ACYP2: variants seen among roughly 807,000 people sequenced by gnomAD.
ACYP2 encodes acylphosphatase 2.
In ACYP2, 12 loss-of-function variants were observed where a neutral mutation model predicts 11.2. The observed-to-expected ratio is 1.08, with a 90% CI of 0.69 to 1.74. ACYP2 has a LOEUF of 1.74. Among genes scored for constraint, ACYP2 ranks in the 40% most tolerant of loss-of-function variants. The pLI, the probability that ACYP2 is intolerant of heterozygous loss-of-function variation, is 0.00. For missense variants in ACYP2, 134 were observed against 101.9 expected (o/e 1.31, Z -1.35); for synonymous variants, 43 against 32.2 (o/e 1.33, Z -1.13).
At chr2:54,192,293 T>C (rs1047312410) in intron 6 of ACYP2, among the ~76,000 whole-genome samples, 1 of 152,196 alleles carries the variant, frequency 6.6e-6, no homozygotes, top group Admixed American at 6.5e-5. Flanking sequence ...AATTAAATGC[T>C]CTAGATAGTA....
intron 2 of ACYP2, among the ~76,000 whole-genome samples, chr2:53,985,360 C>T (rs1314226962): frequency 6.6e-6 from 1 of 152,110 alleles, no homozygotes; most frequent in African/African-American, 2.4e-5. Flanking sequence ...AGCCGCTGCA[C>T]CTGGCCAGGA....
intron 6 of ACYP2, among the ~76,000 whole-genome samples, chr2:54,198,295 G>T (rs572733070): frequency 6.6e-6 from 1 of 152,240 alleles, no homozygotes; most frequent in Non-Finnish European, 1.5e-5. Flanking sequence ...GATTACACGT[G>T]TGTGTGCCAC....
chr2:54,027,544 C>A (rs973399124), intron 2 of ACYP2, among the ~76,000 whole-genome samples: 1 of 152,142 alleles, frequency 6.6e-6, no homozygotes, highest in African/African-American at 2.4e-5. Context: ...TTTCTGAAAG[C>A]TCTCATGTCA....
intron 6 of ACYP2, among the ~76,000 whole-genome samples, chr2:54,208,438 G>T (rs1355940783): frequency 6.6e-6 from 1 of 152,034 alleles, no homozygotes; most frequent in Non-Finnish European, 1.5e-5. Context: ...GTGGGAGCCG[G>T]GGGTGCAGGG....
intron 2 of ACYP2, among the ~76,000 whole-genome samples, chr2:53,981,945 T>C (rs1182864151): frequency 6.6e-6 from 1 of 152,248 alleles, no homozygotes; most frequent in African/African-American, 2.4e-5. Flanking sequence ...ATTTAAATAC[T>C]AAAAGAATTT....
intron 6 of ACYP2, among the ~76,000 whole-genome samples, chr2:54,226,256 C>T (rs1057104426): frequency 2.0e-5 from 3 of 152,002 alleles, no homozygotes; most frequent in Non-Finnish European, 2.9e-5. Flanking sequence ...ATTTAAATAC[C>T]CAAGTGAGTA....
rs192072625 is a variant in ACYP2, at chr2:54,054,430, C to T, written c.156-2809C>T. Among the ~76,000 whole-genome samples, 559 of 152,302 alleles carry T rather than the reference C, an allele frequency of 3.7e-3. 3 individuals carry two copies. The highest frequency in any genetic ancestry group is 0.029 in the South Asian group (139 of 4,830). ...ATTTCCTGGGTCTGAAAAGGAAGTT[C>T]GAAGTCCTTGTGATATTCTGCTGAC... On this transcript the variant is annotated intron_variant, in intron 3 of 6. Transcript: ENST00000607452.
intron 4 of ACYP2, among the ~76,000 whole-genome samples, chr2:54,124,128 A>T (rs972443907): frequency 3.3e-5 from 5 of 152,166 alleles, no homozygotes; most frequent in African/African-American, 1.2e-4. Flanking sequence ...TGTGTCCATA[A>T]CCTCTCCTTC....
At chr2:54,121,072 C>T (rs1019479831) in intron 4 of ACYP2, among the ~76,000 whole-genome samples, 12 of 152,116 alleles carry the variant, frequency 7.9e-5, no homozygotes, top group African/African-American at 2.9e-4. Flanking sequence ...TGTTACAGCT[C>T]TTTTTGCACC....
chr2:54,096,617 G>A (rs530288650), intron 4 of ACYP2, among the ~76,000 whole-genome samples: 2 of 152,170 alleles, frequency 1.3e-5, no homozygotes, highest in South Asian at 2.1e-4. Context: ...GATCCCTCGC[G>A]GTTAGGAGCT....
At chr2:54,168,901 A>C (rs1683117098) in intron 6 of ACYP2, among the ~76,000 whole-genome samples, 1 of 152,198 alleles carries the variant, frequency 6.6e-6, no homozygotes, top group Non-Finnish European at 1.5e-5. Flanking sequence ...GCATGCTTTC[A>C]CTTAAATGGC....
chr2:54,017,600 C>G (rs1038962931), intron 2 of ACYP2, among the ~76,000 whole-genome samples: 6 of 152,050 alleles, frequency 3.9e-5, no homozygotes, highest in African/African-American at 1.4e-4. Flanking sequence ...CACATTCAGC[C>G]CATAGAAATT....
chr2:54,143,138 C>T (rs1681694488), intron 6 of ACYP2: 1 of 152,130 alleles, frequency 6.6e-6, no homozygotes, highest in South Asian at 2.1e-4. Flanking sequence ...GTTTCAGTGA[C>T]TTCATTTGTC....
At chr2:54,112,590 C>G (rs1376613909) in intron 4 of ACYP2, among the ~76,000 whole-genome samples, 1 of 152,104 alleles carries the variant, frequency 6.6e-6, no homozygotes, top group Non-Finnish European at 1.5e-5. Flanking sequence ...GAATATGTAA[C>G]AACAGGGACT....
chr2:54,161,338 T>G (rs1401842951), intron 6 of ACYP2, among the ~76,000 whole-genome samples: 5 of 152,184 alleles, frequency 3.3e-5, no homozygotes, highest in Non-Finnish European at 5.9e-5. Context: ...TGCATCAAAT[T>G]ATTTCCAATG....
intron 6 of ACYP2, among the ~76,000 whole-genome samples, chr2:54,238,226 A>C (rs1366881572): frequency 6.6e-6 from 1 of 152,132 alleles, no homozygotes. Flanking sequence ...ACAATATGAC[A>C]CATTATATAT....
At chr2:54,115,905 G>GGCGGGGGT (rs1447852707) in intron 4 of ACYP2, 149 bp downstream of exon 1, 1 of 1,048,598 alleles carries the variant, frequency 9.5e-7, no homozygotes, top group African/African-American at 2.4e-5. Context: ...GGCGGGGAGG[G>GGCGGGGGT]AGGCGAAACG....
At chr2:54,028,439 C>T (rs1249143142) in intron 2 of ACYP2, among the ~76,000 whole-genome samples, 2 of 152,226 alleles carry the variant, frequency 1.3e-5, no homozygotes, top group African/African-American at 4.8e-5. Context: ...CCTCCTGGCT[C>T]TCAATCTTAT....
intron 4 of ACYP2, among the ~76,000 whole-genome samples, chr2:54,110,189 C>T (rs756206094): frequency 1.5e-4 from 23 of 152,188 alleles, no homozygotes; most frequent in Non-Finnish European, 3.1e-4. Flanking sequence ...TCCCCATCTA[C>T]CCAAGACCCA....
Sources: gnomAD v4.1 joint callset for allele counts (sites outside exome capture counted in the v4.1 genomes callset) on GRCh38, gnomAD v4.1.1 for gene constraint, MANE v1.5 for transcripts, NCBI Gene and HGNC (gene_info 2026-07-23, HGNC 2026-07-21) for gene names.